Variants in CEP170 observed in about 807,000 individuals in gnomAD.
CEP170 encodes the protein centrosomal protein 170.
A neutral mutation model predicts 151.9 loss-of-function variants in CEP170; 21 were observed. That is an observed-to-expected ratio of 0.14 (90% CI 0.10 to 0.20). CEP170 has a LOEUF of 0.20. Ranked by LOEUF, CEP170 falls within the 10% of genes least tolerant of loss-of-function variation. CEP170 has a pLI of 1.00. For missense variants in CEP170, 964 were observed against 1,892.9 expected, an observed-to-expected ratio of 0.51 and a Z score of 9.11; for synonymous variants, 356 against 648.8, an observed-to-expected ratio of 0.55 and a Z score of 6.86.
intron 10 of CEP170, among the ~76,000 whole-genome samples, chr1:243,173,565 G>A (rs2059010661): frequency 1.3e-5 from 2 of 151,302 alleles, no homozygotes; most frequent in Admixed American, 1.3e-4. Context: ...GTGAAACCCC[G>A]TTTCTACTAA....
intron 4 of CEP170, chr1:243,211,504 G>C (rs916439671): frequency 5.9e-6 from 1 of 169,276 alleles, no homozygotes; most frequent in Non-Finnish European, 1.3e-5. Context: ...TTCATCCCAG[G>C]AGGCTGATTC....
Position 243,214,472 on chromosome 1 carries a change from G to A in CEP170, c.196-2508C>T, listed in dbSNP as rs186838551. On this transcript the variant is annotated intron_variant, in intron 3 of 19. Transcript: ENST00000366542. ...GGCTAATTTTTGTATTTTTAGTAGCGATGGGGTTTCACCAGGTTAGCCAAG... is the reference window on the plus strand; with the variant it reads ...GGCTAATTTTTGTATTTTTAGTAGCAATGGGGTTTCACCAGGTTAGCCAAG... 2.6e-3 allele frequency among the ~76,000 whole-genome samples: 389 copies of A among 151,730 alleles called. 2 individuals are homozygous for A. The highest frequency in any genetic ancestry group is 0.013 in the South Asian group (60 of 4,790).
chr1:243,186,044 T>C lies in CEP170; in HGVS notation c.1301A>G (p.His434Arg), dbSNP rs2059916755. The change falls in exon 10 of 20, where the codon CAT becomes CGT. Residue 434 changes from histidine to arginine, a missense_variant. Coordinates refer to ENST00000366542, the MANE Select transcript of CEP170 (RefSeq NM_014812.3). Reference protein sequence around the residue: ...VTSSAHHRGGHGVPHGKLLKQ... With the variant: ...VTSSAHHRGGRGVPHGKLLKQ... Reference sequence around the variant, plus strand: ...TAACAATTTCCCATGTGGAACACCATGCCCCCCTCTGTGATGCGCAGAGCT... The same window carrying C: ...TAACAATTTCCCATGTGGAACACCACGCCCCCCTCTGTGATGCGCAGAGCT... 3 of 1,613,774 alleles carry C rather than the reference T, an allele frequency of 1.9e-6. No homozygotes were observed. The highest frequency in any genetic ancestry group is 4.5e-5 in the East Asian group (2 of 44,888).
intron 10 of CEP170, among the ~76,000 whole-genome samples, chr1:243,182,587 C>T (rs2059691044): frequency 6.6e-6 from 1 of 152,178 alleles, no homozygotes; most frequent in Admixed American, 6.5e-5. Flanking sequence ...CAATGATTCC[C>T]CACTGCCTTC....
intron 7 of CEP170, among the ~76,000 whole-genome samples, chr1:243,194,102 A>C (rs1226288725): frequency 1.3e-5 from 2 of 151,916 alleles, no homozygotes; most frequent in Admixed American, 6.6e-5. Flanking sequence ...GGTTTTTACT[A>C]TTTACTCAGA....
chr1:243,147,850 A>C (rs1275385549), intron 14 of CEP170, among the ~76,000 whole-genome samples: 3 of 152,208 alleles, frequency 2.0e-5, no homozygotes, highest in African/African-American at 4.8e-5. Flanking sequence ...CATTTAAACT[A>C]TTCAGGGCCT....
At chr1:243,218,412 G>A (rs1446098527) in intron 3 of CEP170, among the ~76,000 whole-genome samples, 1 of 152,214 alleles carries the variant, frequency 6.6e-6, no homozygotes, top group African/African-American at 2.4e-5. Context: ...GCAAACAGGG[G>A]TTCCCAAAGA....
At chr1:243,128,437 G>T (rs576807692) in intron 18 of CEP170, 137 bp from the exon 19 acceptor site, 121 of 550,100 alleles carry the variant, frequency 2.2e-4, no homozygotes, top group Non-Finnish European at 3.6e-4. Flanking sequence ...ATAGCAACAT[G>T]ATATGAAATA....
intron 1 of CEP170, among the ~76,000 whole-genome samples, chr1:243,231,218 A>G (rs201177078): frequency 6.6e-6 from 1 of 150,388 alleles, no homozygotes; most frequent in South Asian, 2.1e-4. Context: ...CATCATTATT[A>G]TTTTTTTTAA....
chr1:243,244,357 T>TCACACA (rs36023097), intron 1 of CEP170, among the ~76,000 whole-genome samples: 75 of 150,240 alleles, frequency 5.0e-4, no homozygotes, highest in African/African-American at 1.8e-3. Flanking sequence ...GCTCCTTGTA[T>TCACACA]CACACACACA....
At chr1:243,175,347 G>A (rs1425123604) in intron 10 of CEP170, among the ~76,000 whole-genome samples, 1 of 152,188 alleles carries the variant, frequency 6.6e-6, no homozygotes. Flanking sequence ...CAAACAAGTG[G>A]TAGGGCCTGA....
At chr1:243,160,935 C>T (rs2058016757) in intron 13 of CEP170, among the ~76,000 whole-genome samples, 1 of 151,874 alleles carries the variant, frequency 6.6e-6, no homozygotes, top group Non-Finnish European at 1.5e-5. Flanking sequence ...ATAATGAAAA[C>T]CAAGTGCTTT....
At chr1:243,199,868 T>C (rs1194067695) in intron 6 of CEP170, among the ~76,000 whole-genome samples, 2 of 151,962 alleles carry the variant, frequency 1.3e-5, no homozygotes, top group Non-Finnish European at 2.9e-5. Context: ...ATTTAAAAAA[T>C]TTTTCTTTTA....
intron 16 of CEP170, 196 bp from the exon 17 acceptor site, chr1:243,136,427 C>A (rs2055088943): frequency 3.1e-6 from 2 of 640,954 alleles, no homozygotes; most frequent in Admixed American, 3.4e-5. Context: ...CAAAGGAGTT[C>A]TTATTATTAA....
intron 11 of CEP170, among the ~76,000 whole-genome samples, chr1:243,171,750 G>C (rs2058860648): frequency 6.6e-6 from 1 of 152,158 alleles, no homozygotes; most frequent in Non-Finnish European, 1.5e-5. Context: ...TACTATGCTG[G>C]ATGCTTTATA....
chr1:243,149,785 A>C (rs544005425), intron 14 of CEP170, among the ~76,000 whole-genome samples: 1 of 152,358 alleles, frequency 6.6e-6, no homozygotes, highest in East Asian at 1.9e-4. Context: ...ATATTACCTT[A>C]CAGACAATAA....
intron 17 of CEP170, among the ~76,000 whole-genome samples, chr1:243,129,805 T>C (rs1227306132): frequency 2.6e-5 from 4 of 152,116 alleles, no homozygotes; most frequent in Non-Finnish European, 4.4e-5. Context: ...TCCATGGTTT[T>C]AGTTAGTGGC....
chr1:243,153,051 A>G (rs1361612054), intron 14 of CEP170, among the ~76,000 whole-genome samples: 1 of 152,212 alleles, frequency 6.6e-6, no homozygotes, highest in Non-Finnish European at 1.5e-5. Context: ...AACTGATTCC[A>G]ACCCTCATGG....
chr1:243,228,523 G>T (rs540047623), intron 1 of CEP170, among the ~76,000 whole-genome samples: 2 of 152,198 alleles, frequency 1.3e-5, no homozygotes, highest in South Asian at 4.1e-4. Context: ...AAAGCCCTCC[G>T]ATCTAAATAT....
Sources: gnomAD v4.1 joint callset for allele counts (sites outside exome capture counted in the v4.1 genomes callset) on GRCh38, gnomAD v4.1.1 for gene constraint, MANE v1.5 for transcripts, NCBI Gene and HGNC (gene_info 2026-07-23, HGNC 2026-07-21) for gene names.